CNTNAP5: variants seen among roughly 807,000 people sequenced by gnomAD.
CNTNAP5 encodes the protein contactin-associated protein-like 5.
Under a neutral mutation model 150.2 loss-of-function variants are expected in CNTNAP5, and 72 were observed. That is an observed-to-expected ratio of 0.48 (90% CI 0.40 to 0.58). The LOEUF (loss-of-function observed/expected upper bound fraction) is 0.58. Among genes scored for constraint, CNTNAP5 ranks in the 20% least tolerant of loss-of-function variants. CNTNAP5 has a pLI of 0.00. For synonymous variants in CNTNAP5, 672 were observed against 619.8 expected, an observed-to-expected ratio of 1.08 and a Z score of -1.25; for missense variants, 1,636 against 1,626.2, an observed-to-expected ratio of 1.01 and a Z score of -0.10.
At chr2:124,605,986 C>T (rs945347095) in intron 11 of CNTNAP5, among the ~76,000 whole-genome samples, 1 of 151,968 alleles carries the variant, frequency 6.6e-6, no homozygotes, top group Non-Finnish European at 1.5e-5. Flanking sequence ...TTCTCTCTCT[C>T]CATAGTTATC....
intron 19 of CNTNAP5, among the ~76,000 whole-genome samples, chr2:124,810,433 A>G (rs1309716176): frequency 1.3e-5 from 2 of 152,168 alleles, no homozygotes; most frequent in African/African-American, 2.4e-5. Context: ...CCCCAGATAC[A>G]GTGGAGGGCA....
chr2:124,205,206 G>C (rs1212514997), intron 1 of CNTNAP5, among the ~76,000 whole-genome samples: 1 of 151,996 alleles, frequency 6.6e-6, no homozygotes. Flanking sequence ...GGTCATGGGG[G>C]CGGTTTCCCC....
chr2:124,633,429 A>G (rs1677905682), intron 12 of CNTNAP5, among the ~76,000 whole-genome samples: 3 of 152,174 alleles, frequency 2.0e-5, no homozygotes, highest in Non-Finnish European at 4.4e-5. Flanking sequence ...CTCCAAAATA[A>G]TCTCTTTTGA....
At chr2:124,170,460 C>T (rs533165663) in intron 1 of CNTNAP5, among the ~76,000 whole-genome samples, 47 of 152,274 alleles carry the variant, frequency 3.1e-4, no homozygotes, top group South Asian at 1.0e-3. Flanking sequence ...AGATGAGTGG[C>T]GTCTTGGGAC....
chr2:124,623,290 G>A (rs765946580), intron 12 of CNTNAP5, among the ~76,000 whole-genome samples: 1 of 152,090 alleles, frequency 6.6e-6, no homozygotes, highest in Non-Finnish European at 1.5e-5. Flanking sequence ...ACAACAGCTA[G>A]GCTGATCTTT....
intron 8 of CNTNAP5, among the ~76,000 whole-genome samples, chr2:124,519,075 C>A (rs1261423645): frequency 1.3e-5 from 2 of 148,878 alleles, no homozygotes; most frequent in Non-Finnish European, 1.5e-5. Context: ...GGAAAAAATG[C>A]CAGTCAGAAA....
intron 1 of CNTNAP5, among the ~76,000 whole-genome samples, chr2:124,220,567 G>C (rs1171915531): frequency 6.6e-6 from 1 of 152,098 alleles, no homozygotes; most frequent in Non-Finnish European, 1.5e-5. Flanking sequence ...AGACCATTTT[G>C]TATTGCTATA....
intron 1 of CNTNAP5, among the ~76,000 whole-genome samples, chr2:124,156,177 G>A (rs1170897275): frequency 6.6e-6 from 1 of 152,216 alleles, no homozygotes; most frequent in Non-Finnish European, 1.5e-5. Context: ...GACTCTGAAA[G>A]AATCTTAAAG....
intron 21 of CNTNAP5, among the ~76,000 whole-genome samples, chr2:124,883,863 C>T (rs62173290): frequency 0.11 from 16,775 of 151,936 alleles, 1,060 homozygotes; most frequent in African/African-American, 0.15. Context: ...TATGTTTCTG[C>T]GTAGTTGTGT....
intron 3 of CNTNAP5, among the ~76,000 whole-genome samples, chr2:124,349,632 T>A (rs1039610382): frequency 1.3e-5 from 2 of 152,170 alleles, no homozygotes; most frequent in African/African-American, 4.8e-5. Context: ...GAAACTATAC[T>A]TCCAATTCAG....
At chr2:124,568,664 T>A (rs1184919322) in intron 11 of CNTNAP5, among the ~76,000 whole-genome samples, 1 of 152,234 alleles carries the variant, frequency 6.6e-6, no homozygotes, top group Non-Finnish European at 1.5e-5. Flanking sequence ...TTCTTTGTCT[T>A]TCTTATTCTG....
At chr2:124,338,192 C>G (rs1689524546) in intron 3 of CNTNAP5, among the ~76,000 whole-genome samples, 1 of 151,964 alleles carries the variant, frequency 6.6e-6, no homozygotes, top group Admixed American at 6.6e-5. Context: ...TATAAGAATG[C>G]TTGTGATTTT....
At chr2:124,191,655 C>T (rs540861363) in intron 1 of CNTNAP5, among the ~76,000 whole-genome samples, 41 of 152,180 alleles carry the variant, frequency 2.7e-4, no homozygotes, top group Middle Eastern at 3.4e-3. Flanking sequence ...GTGGCTCATG[C>T]CTGTAATCCC....
At chr2:124,312,656 C>T (rs193056472) in intron 3 of CNTNAP5, among the ~76,000 whole-genome samples, 100 of 152,330 alleles carry the variant, frequency 6.6e-4, no homozygotes, top group African/African-American at 2.2e-3. Flanking sequence ...CTGCAAGCTC[C>T]GCCTCCTGGG....
intron 1 of CNTNAP5, among the ~76,000 whole-genome samples, chr2:124,055,668 T>C (rs1299808846): frequency 6.6e-6 from 1 of 152,118 alleles, no homozygotes; most frequent in Non-Finnish European, 1.5e-5. Context: ...CTGGACCTCA[T>C]AAGTTGCCCA....
chr2:124,509,828 T>G (rs1694515014), intron 8 of CNTNAP5, among the ~76,000 whole-genome samples: 1 of 152,006 alleles, frequency 6.6e-6, no homozygotes, highest in South Asian at 2.1e-4. Context: ...AACAGTTTCA[T>G]GGTGGTCTTA....
intron 13 of CNTNAP5, among the ~76,000 whole-genome samples, chr2:124,683,123 T>C (rs1449147005): frequency 6.6e-6 from 1 of 152,208 alleles, no homozygotes; most frequent in African/African-American, 2.4e-5. Flanking sequence ...TTTACTCCTG[T>C]TAATCTCAAT....
intron 19 of CNTNAP5, among the ~76,000 whole-genome samples, chr2:124,846,965 A>G (rs994081838): frequency 6.6e-6 from 1 of 152,196 alleles, no homozygotes; most frequent in Non-Finnish European, 1.5e-5. Context: ...CAACTGCTGC[A>G]GTGGAGGTAG....
At chr2:124,036,295 T>C (rs1001884067) in intron 1 of CNTNAP5, among the ~76,000 whole-genome samples, 1 of 152,086 alleles carries the variant, frequency 6.6e-6, no homozygotes, top group Non-Finnish European at 1.5e-5. Context: ...GAAGGACTTA[T>C]TAATTCACAA....
Sources: gnomAD v4.1 joint callset for allele counts (sites outside exome capture counted in the v4.1 genomes callset) on GRCh38, gnomAD v4.1.1 for gene constraint, MANE v1.5 for transcripts, NCBI Gene and HGNC (gene_info 2026-07-23, HGNC 2026-07-21) for gene names.